The following OPN3 variants were observed in gnomAD, a reference collection of about 807,000 sequenced individuals.
OPN3 encodes the protein opsin 3.
In OPN3, 29 loss-of-function variants were observed where a neutral mutation model predicts 33.8. That is an observed-to-expected ratio of 0.86 (90% CI 0.64 to 1.17). The LOEUF (loss-of-function observed/expected upper bound fraction) is 1.17, where lower values mean the gene tolerates loss of function less well. Among genes scored for constraint, OPN3 ranks in the 50% most tolerant of loss-of-function variants. The probability of loss-of-function intolerance (pLI) is 0.00; values close to 1 mark genes in which losing one functional copy is unlikely to be tolerated. For missense variants in OPN3, 437 were observed against 514.1 expected (o/e 0.85, Z 1.45); for synonymous variants, 216 against 216.1 (o/e 1.00, Z 0.00).
chr1:241,627,309 T>C (rs1664447464), intron 1 of OPN3, among the ~76,000 whole-genome samples: 1 of 152,202 alleles, frequency 6.6e-6, no homozygotes, highest in Non-Finnish European at 1.5e-5. Flanking sequence ...AAGCCACCAC[T>C]TTTTAAATAG....
At chr1:241,604,715 A>G in intron 1 of OPN3, 136 bp from the exon 2 acceptor site, 1 of 755,758 alleles carries the variant, frequency 1.3e-6, no homozygotes, top group Non-Finnish European at 2.1e-6. Context: ...CAAGAGTAAT[A>G]GTGTCTATAG....
Position 241,640,104 on chromosome 1 carries a change from T to A in OPN3, c.151A>T (p.Ile51Phe), listed in dbSNP as rs1235185576. Residue 51 changes from isoleucine (I) to phenylalanine (F), a missense_variant, in exon 1 of 4, where the codon ATT (isoleucine) becomes TTT (phenylalanine). By Grantham distance (21) the Ile-to-Phe change is conservative. Transcript: ENST00000366554. ...YERLALLLGS[I>F]GLLGVGNNLL... ...TTGTTGCCGACGCCCAGCAGCCCAA[T>A]GGAGCCCAGCAGCAGCGCCAGGCGC... 4 of 1,606,926 alleles carry A rather than the reference T, an allele frequency of 2.5e-6. No homozygotes were observed. The highest frequency in any genetic ancestry group is 3.4e-6 in the Non-Finnish European group (4 of 1,177,256).
In OPN3 at chr1:241,601,708, A is replaced by AAAAAC. The variant is rs533116633; in HGVS notation, c.693+2547_693+2551dup. ...GCAATAAGAGTAAAACTTCGTCTCA[A>AAAAAC]AAAACAAAACAAAACAAAACAAACA... On this transcript the variant is annotated intron_variant, in intron 2 of 3. Coordinates refer to ENST00000366554, the MANE Select transcript of OPN3 (RefSeq NM_014322.3). Among the ~76,000 whole-genome samples, 27 of 152,244 alleles carry AAAAAC rather than the reference A, an allele frequency of 1.8e-4. No individual in the cohort carries two copies. In the South Asian group the frequency reaches 2.5e-3, roughly 14 times the overall value.
intron 1 of OPN3, chr1:241,633,863 A>G (rs768091835): frequency 1.9e-6 from 3 of 1,613,872 alleles, no homozygotes; most frequent in South Asian, 2.2e-5. Context: ...TAGTTTGGCC[A>G]TTACTACATT....
intron 1 of OPN3, chr1:241,631,850 T>C (rs913306145): frequency 6.6e-6 from 1 of 152,138 alleles, no homozygotes; most frequent in African/African-American, 2.4e-5. Context: ...TCGTGGGCAC[T>C]TTCTCTTTCT....
intron 1 of OPN3, among the ~76,000 whole-genome samples, chr1:241,607,011 A>G (rs1449962151): frequency 6.6e-6 from 1 of 152,210 alleles, no homozygotes; most frequent in Non-Finnish European, 1.5e-5. Flanking sequence ...TCAGAAAGCA[A>G]TTGGTATAAC....
intron 1 of OPN3, among the ~76,000 whole-genome samples, chr1:241,613,480 G>C (rs1419465774): frequency 2.6e-5 from 4 of 152,160 alleles, no homozygotes; most frequent in Non-Finnish European, 4.4e-5. Context: ...TTTTATATTA[G>C]TGATGTAGAG....
chr1:241,633,923 T>A, intron 1 of OPN3: 2 of 1,613,876 alleles, frequency 1.2e-6, no homozygotes, highest in Non-Finnish European at 1.7e-6. Context: ...AAAGATAATG[T>A]CTTCTGGATT....
intron 1 of OPN3, among the ~76,000 whole-genome samples, chr1:241,626,116 C>T (rs1183195799): frequency 6.6e-6 from 1 of 152,168 alleles, no homozygotes; most frequent in Non-Finnish European, 1.5e-5. Context: ...TACCCTAAAA[C>T]TAATGATCTG....
chr1:241,639,623 G>A (rs1665033633), intron 1 of OPN3, among the ~76,000 whole-genome samples: 2 of 151,904 alleles, frequency 1.3e-5, no homozygotes, highest in African/African-American at 4.8e-5. Flanking sequence ...AACGTGGGGG[G>A]CAGATGAGAG....
At chr1:241,615,601 G>A (rs937523188) in intron 1 of OPN3, among the ~76,000 whole-genome samples, 15 of 151,928 alleles carry the variant, frequency 9.9e-5, no homozygotes, top group African/African-American at 2.9e-4. Flanking sequence ...TTCATATTCC[G>A]TAAATGACTG....
intron 1 of OPN3, among the ~76,000 whole-genome samples, chr1:241,611,481 C>CT (rs1256789742): frequency 2.4e-5 from 3 of 123,692 alleles, no homozygotes; most frequent in Non-Finnish European, 4.9e-5. Flanking sequence ...ATTAAGCACA[C>CT]TTTAACAAGG....
chr1:241,629,794 T>C (rs1664550813), intron 1 of OPN3: 1 of 152,132 alleles, frequency 6.6e-6, no homozygotes. Flanking sequence ...CACCAGCAGT[T>C]ATTAATATTT....
chr1:241,597,791 C>T lies in OPN3; in HGVS notation c.900G>A (p.Ser300=), dbSNP rs200074626. 1.1e-5 allele frequency: 18 copies of T among 1,613,508 alleles called. No individual in the cohort carries two copies. Among genetic ancestry groups the T allele is most frequent in the East Asian group, 1.1e-4 (5 of 44,828 alleles). Residue 300 remains serine (S), a synonymous_variant, in exon 3 of 4, where the codon TCG becomes TCA. Transcript: ENST00000366554. ...ISIVSYLFAK[S]NTVYNPVIYV... is the part of the protein sequence containing the mutation. ...AAATCACTGGATTGTATACAGTGTT[C>T]GATTTAGCAAAGAGGTACGAAACAA...
At chr1:241,639,400 A>C (rs552828836) in intron 1 of OPN3, among the ~76,000 whole-genome samples, 6 of 152,092 alleles carry the variant, frequency 3.9e-5, no homozygotes, top group African/African-American at 1.4e-4. Flanking sequence ...TTGGTTTTCT[A>C]CTCTCATTTT....
intron 1 of OPN3, among the ~76,000 whole-genome samples, chr1:241,608,185 A>G (rs1363758154): frequency 3.3e-5 from 5 of 152,238 alleles, no homozygotes; most frequent in African/African-American, 1.2e-4. Flanking sequence ...TTAGTCTTTC[A>G]TAGGCAAGAA....
At chr1:241,615,241 C>A in intron 1 of OPN3, among the ~76,000 whole-genome samples, 1 of 148,790 alleles carries the variant, frequency 6.7e-6, no homozygotes, top group Non-Finnish European at 1.5e-5. Context: ...GATGAAAGCA[C>A]TTAACAGGAA....
At chr1:241,621,079 G>GAGGA (rs111984104) in intron 1 of OPN3, among the ~76,000 whole-genome samples, 6 of 152,256 alleles carry the variant, frequency 3.9e-5, no homozygotes, top group African/African-American at 1.4e-4. Flanking sequence ...AAATGGAATG[G>GAGGA]AGGAAATACA....
intron 1 of OPN3, chr1:241,615,984 T>C (rs919224052): frequency 2.2e-6 from 1 of 456,624 alleles, no homozygotes; most frequent in Non-Finnish European, 4.4e-6. Context: ...GTTGGACCAA[T>C]GGCCAAGAGA....
Sources: allele counts gnomAD v4.1 joint callset (sites outside exome capture counted in the v4.1 genomes callset), GRCh38; gene constraint gnomAD v4.1.1; transcripts MANE v1.5; gene names NCBI Gene and HGNC (gene_info 2026-07-23, HGNC 2026-07-21).